PKD1L3: variants seen among roughly 807,000 people sequenced by gnomAD.
The protein encoded by PKD1L3 is polycystin 1 like 3, transient receptor potential channel interacting, also known as polycystin-1-like protein 3.
Under a neutral mutation model 184.1 loss-of-function variants are expected in PKD1L3, and 239 were observed. The ratio of observed to expected loss-of-function variants is 1.30; its 90% confidence interval spans 1.17 to 1.45. PKD1L3 has a LOEUF of 1.45. Among genes scored for constraint, PKD1L3 ranks in the 40% most tolerant of loss-of-function variants. PKD1L3 has a pLI of 0.00. For synonymous variants in PKD1L3, 996 were observed against 778.8 expected, an observed-to-expected ratio of 1.28 and a Z score of -4.64; for missense variants, 2,660 against 2,067.2, an observed-to-expected ratio of 1.29 and a Z score of -5.56.
At chr16:71,970,181 C>T (rs149969702) in intron 12 of PKD1L3, 76 bp from the exon 13 acceptor site, 102 of 1,137,406 alleles carry the variant, frequency 9.0e-5, no homozygotes, top group Middle Eastern at 4.2e-4. Context: ...CAAACACCAG[C>T]AATTTAGAGA....
At chr16:71,963,176 C>A (rs912921056) in intron 16 of PKD1L3, 29 bp downstream of exon 16, 1 of 1,511,626 alleles carries the variant, frequency 6.6e-7, no homozygotes, top group African/African-American at 1.4e-5. Flanking sequence ...CATCAATATT[C>A]ACTGTTAATA....
In PKD1L3 at chr16:71,934,100, T is replaced by C; in HGVS notation, c.4639A>G (p.Lys1547Glu). The C allele has an allele frequency of 6.4e-7, 1 of 1,551,896 alleles. No individual in the cohort carries two copies. The highest frequency in any genetic ancestry group is 2.4e-5 in the East Asian group (1 of 40,918). The part of the protein sequence containing the change: ...DRFISFYEAV[K>E]VNSAATHLVG... ...AGGTGAGTCGCAGCAGAGTTCACTT[T>C]TACTGCCTCATAGAAGCTGATGAAT... The change falls in exon 27 of 30, where the codon AAA (lysine) becomes GAA (glutamate). Residue 1547 changes from lysine (K) to glutamate (E), a missense_variant. By Grantham distance (56) the Lys-to-Glu change is moderately conservative (BLOSUM62 1). Transcript: ENST00000620267.
In PKD1L3 at chr16:71,969,799, G is replaced by A. The variant is rs182056344; in HGVS notation, c.2184+76C>T. 3.1e-5 allele frequency: 40 copies of A among 1,304,876 alleles called. No individual in the cohort carries two copies. The Admixed American group carries it at 3.4e-4, about 11-fold the overall frequency. 80.8% of individuals were successfully genotyped at this position (1,304,876 alleles called of 1,614,324 possible). ...TACCAGGCTTCCTGCTGCTTTTGACGAAGGTGTTTTTTCCTTCATCTTATT... is the reference window on the plus strand; with the variant it reads ...TACCAGGCTTCCTGCTGCTTTTGACAAAGGTGTTTTTTCCTTCATCTTATT... On this transcript the variant is annotated intron_variant, in intron 13 of 29. Transcript: ENST00000620267.
intron 11 of PKD1L3, 36 bp from the exon 12 acceptor site, chr16:71,973,553 A>T: frequency 6.6e-7 from 1 of 1,514,684 alleles, no homozygotes; most frequent in Non-Finnish European, 8.9e-7. Flanking sequence ...TGTATATCAA[A>T]TGGAACAAAA....
At chr16:71,938,385 C>A (rs961089243) in intron 24 of PKD1L3, among the ~76,000 whole-genome samples, 3 of 152,218 alleles carry the variant, frequency 2.0e-5, no homozygotes, top group Non-Finnish European at 4.4e-5. Flanking sequence ...CCCGCAGGTG[C>A]CCCTTGGCAC....
At chr16:71,956,668 G>A (rs1423976292) in intron 16 of PKD1L3, among the ~76,000 whole-genome samples, 2 of 152,140 alleles carry the variant, frequency 1.3e-5, no homozygotes, top group Non-Finnish European at 2.9e-5. Flanking sequence ...GGTTGGAAGG[G>A]GGAGGGAACA....
chr16:71,957,573 G>C (rs2039095059), intron 16 of PKD1L3, among the ~76,000 whole-genome samples: 1 of 152,154 alleles, frequency 6.6e-6, no homozygotes, highest in Non-Finnish European at 1.5e-5. Context: ...GAAGGTGGGA[G>C]GATCATTTGA....
chr16:71,973,215 C>T (rs2143649034), intron 12 of PKD1L3, 109 bp downstream of exon 12: 1 of 1,308,684 alleles, frequency 7.6e-7, no homozygotes, highest in East Asian at 2.5e-5. Flanking sequence ...TTATTTCAAA[C>T]CACCTGATTA....
intron 16 of PKD1L3, among the ~76,000 whole-genome samples, chr16:71,962,261 C>T (rs2039310369): frequency 6.6e-6 from 1 of 151,900 alleles, no homozygotes; most frequent in Admixed American, 6.6e-5. Context: ...TCATCTTGTT[C>T]CCATGAGGAA....
At chr16:71,997,556 C>T (rs1267466240) in intron 2 of PKD1L3, among the ~76,000 whole-genome samples, 1 of 152,032 alleles carries the variant, frequency 6.6e-6, no homozygotes, top group East Asian at 1.9e-4. Flanking sequence ...CGAGACTGGC[C>T]TGACCAACAT....
intron 15 of PKD1L3, among the ~76,000 whole-genome samples, chr16:71,966,019 TG>T (rs1365035163): frequency 6.6e-6 from 1 of 152,192 alleles, no homozygotes; most frequent in Non-Finnish European, 1.5e-5. Context: ...TTGTGCATAC[TG>T]GAACAGAATG....
intron 7 of PKD1L3, 148 bp from the exon 8 acceptor site, chr16:71,980,282 G>C: frequency 3.6e-6 from 4 of 1,113,338 alleles, no homozygotes; most frequent in Non-Finnish European, 5.0e-6. Flanking sequence ...GAATCTCACA[G>C]AAAGTACTTG....
Position 71,999,678 on chromosome 16 carries a change from T to C in PKD1L3, c.295+6A>G. ...CCTTCATAAACACTGAACCCCAGGG[T>C]CTTACCTGGGTATTTGTTGTCTTGA... On this transcript the variant is annotated splice_donor_region_variant and intron_variant, in intron 1 of 29. Coordinates refer to ENST00000620267, the MANE Select transcript of PKD1L3 (RefSeq NM_181536.2). 1 of 1,534,848 alleles carries C rather than the reference T, an allele frequency of 6.5e-7. No homozygotes were observed. Among genetic ancestry groups the C allele is most frequent in the South Asian group, 1.2e-5 (1 of 81,486 alleles).
rs1389990931 is a variant in PKD1L3, at chr16:71,986,274, G to T, written c.781C>A (p.Pro261Thr). 2.6e-6 allele frequency: 4 copies of T among 1,552,182 alleles called. No homozygotes were observed. The African/African-American group carries it at 5.5e-5, about 21-fold the overall frequency. ...TGTAGATAAGAGGTGAAGGTATTCG[G>T]ATGACCTTCTTCCTTTGGGCTTGAA... ...TTSSPKEEGHPNTFTSYLQVS... is the reference protein window; with the variant it reads ...TTSSPKEEGHTNTFTSYLQVS... The change falls in exon 5 of 30, where the codon CCG becomes ACG. Residue 261 changes from proline (P) to threonine (T), a missense_variant. Transcript: ENST00000620267.
intron 16 of PKD1L3, among the ~76,000 whole-genome samples, chr16:71,958,864 A>G (rs1192516225): frequency 1.4e-5 from 2 of 146,876 alleles, no homozygotes; most frequent in East Asian, 2.0e-4. Context: ...AGGCAGGTGG[A>G]CTGCTTGAGC....
At chr16:71,998,994 G>A (rs991963148) in intron 1 of PKD1L3, among the ~76,000 whole-genome samples, 3 of 152,052 alleles carry the variant, frequency 2.0e-5, no homozygotes, top group South Asian at 2.1e-4. Context: ...TGTAAGGGCC[G>A]GGCGCGGTGG....
intron 22 of PKD1L3, among the ~76,000 whole-genome samples, chr16:71,944,994 AAAAT>A (rs1474459222): frequency 6.6e-6 from 1 of 151,604 alleles, no homozygotes; most frequent in South Asian, 2.1e-4. Context: ...AAAAAAGAAA[AAAAT>A]AAAGCAGAAG....
intron 19 of PKD1L3, 56 bp downstream of exon 19, chr16:71,951,508 T>A: frequency 6.8e-7 from 1 of 1,478,200 alleles, no homozygotes; most frequent in Non-Finnish European, 9.1e-7. Flanking sequence ...GTAAGACATA[T>A]GCAAGGGAGT....
chr16:71,944,264 T>G (rs2038473904), intron 22 of PKD1L3, 94 bp from the exon 23 acceptor site: 5 of 1,185,766 alleles, frequency 4.2e-6, no homozygotes, highest in African/African-American at 1.6e-5. Context: ...CACCTCCTTT[T>G]AAATGTTAAA....
Sources: gnomAD v4.1 joint callset for allele counts (sites outside exome capture counted in the v4.1 genomes callset) on GRCh38, gnomAD v4.1.1 for gene constraint, MANE v1.5 for transcripts, NCBI Gene and HGNC (gene_info 2026-07-23, HGNC 2026-07-21) for gene names.